ZNF385B: variants seen among roughly 807,000 people sequenced by gnomAD.
The protein encoded by ZNF385B is zinc finger protein 533.
In ZNF385B, 23 loss-of-function variants were observed where a neutral mutation model predicts 39.2. That is an observed-to-expected ratio of 0.59 (90% CI 0.42 to 0.83). The LOEUF is 0.83. ZNF385B is among the 40% of genes least tolerant of loss of function. The pLI, the probability that ZNF385B is intolerant of heterozygous loss-of-function variation, is 0.00. For missense variants in ZNF385B, 552 were observed against 598.9 expected, an observed-to-expected ratio of 0.92 and a Z score of 0.82; for synonymous variants, 205 against 222.6, an observed-to-expected ratio of 0.92 and a Z score of 0.70.
chr2:179,558,403 G>C (rs912148762), intron 3 of ZNF385B, among the ~76,000 whole-genome samples: 1 of 152,132 alleles, frequency 6.6e-6, no homozygotes, highest in Non-Finnish European at 1.5e-5. Context: ...AAGAATAGTG[G>C]TTTATACAAA....
intron 3 of ZNF385B, chr2:179,584,029 A>C: frequency 1.0e-6 from 1 of 963,384 alleles, no homozygotes; most frequent in Non-Finnish European, 1.5e-6. Context: ...ACATTGTTGA[A>C]GAAGACATAG....
In ZNF385B at chr2:179,716,017, A is replaced by T. The variant is rs867799348; in HGVS notation, c.298+53486T>A. Among the ~76,000 whole-genome samples, 3 of 152,350 alleles carry T rather than the reference A, an allele frequency of 2.0e-5. No individual in the cohort carries two copies. In the South Asian group the frequency reaches 6.2e-4, roughly 32 times the overall value. On this transcript the variant is annotated intron_variant, in intron 3 of 9. Transcript: ENST00000410066. ...AGCTACATAATGCAATGCAAGGCAT[A>T]ATAAGGACCACCTCAAACATTTTGT...
intron 3 of ZNF385B, among the ~76,000 whole-genome samples, chr2:179,641,816 C>T (rs1367255578): frequency 6.6e-6 from 1 of 152,108 alleles, no homozygotes; most frequent in Non-Finnish European, 1.5e-5. Flanking sequence ...GTCCCAGAAG[C>T]CACAGTGTAG....
intron 3 of ZNF385B, among the ~76,000 whole-genome samples, chr2:179,674,280 C>A (rs568545665): frequency 6.6e-6 from 1 of 152,002 alleles, no homozygotes; most frequent in Admixed American, 6.6e-5. Context: ...GTGAAGGAGA[C>A]GGATTATTAT....
intron 3 of ZNF385B, among the ~76,000 whole-genome samples, chr2:179,732,722 C>G (rs1701476083): frequency 6.6e-6 from 1 of 152,186 alleles, no homozygotes; most frequent in Admixed American, 6.5e-5. Flanking sequence ...ATCATCTCAT[C>G]ATGATTCTGT....
chr2:179,613,665 C>T (rs1168909634), intron 3 of ZNF385B, among the ~76,000 whole-genome samples: 1 of 152,124 alleles, frequency 6.6e-6, no homozygotes, highest in Non-Finnish European at 1.5e-5. Context: ...CTTCCTTCTT[C>T]TCTCAAGTGG....
At chr2:179,826,712 C>A (rs1707703138) in intron 1 of ZNF385B, among the ~76,000 whole-genome samples, 1 of 151,894 alleles carries the variant, frequency 6.6e-6, no homozygotes, top group African/African-American at 2.4e-5. Context: ...AAAAAAAATT[C>A]TTTAACTTGC....
intron 3 of ZNF385B, among the ~76,000 whole-genome samples, chr2:179,654,932 G>T (rs1052727982): frequency 6.6e-6 from 1 of 152,140 alleles, no homozygotes; most frequent in African/African-American, 2.4e-5. Context: ...TCCTTTTGCA[G>T]TATGATTTTT....
intron 3 of ZNF385B, among the ~76,000 whole-genome samples, chr2:179,768,760 C>T (rs1009723120): frequency 6.6e-6 from 1 of 152,176 alleles, no homozygotes; most frequent in African/African-American, 2.4e-5. Flanking sequence ...AGTGAAGATA[C>T]CCAGTGACCA....
At chr2:179,531,491 C>T (rs1392266842) in intron 4 of ZNF385B, among the ~76,000 whole-genome samples, 1 of 151,870 alleles carries the variant, frequency 6.6e-6, no homozygotes, top group African/African-American at 2.4e-5. Context: ...CAAAAATCAG[C>T]TGGGTGTGGT....
At chr2:179,745,982 T>C (rs1702360071) in intron 3 of ZNF385B, 1 of 1,196,688 alleles carries the variant, frequency 8.4e-7, no homozygotes, top group South Asian at 4.1e-5. Flanking sequence ...CTGAGTCATT[T>C]GTAAAGAAAG....
chr2:179,567,387 G>A (rs1350851855), intron 3 of ZNF385B, among the ~76,000 whole-genome samples: 2 of 152,132 alleles, frequency 1.3e-5, no homozygotes, highest in African/African-American at 4.8e-5. Flanking sequence ...CACCATCACT[G>A]AGCAAGACAT....
chr2:179,473,835 T>C (rs1410147965), intron 6 of ZNF385B, among the ~76,000 whole-genome samples: 1 of 152,174 alleles, frequency 6.6e-6, no homozygotes, highest in Admixed American at 6.5e-5. Flanking sequence ...CCTTCATCCA[T>C]GTCCCTGCAA....
rs1559338478 is a variant in ZNF385B at position 179,493,784 on chromosome 2, C to CATATATGTATACATATATGTATATGAAT, written c.553-10351_553-10350insATTCATATACATATATGTATACATATAT. On this transcript the variant is annotated intron_variant, in intron 5 of 9. Coordinates refer to ENST00000410066, the MANE Select transcript of ZNF385B (RefSeq NM_152520.6). ...ATATGTATACATATATGTATATACA[C>CATATATGTATACATATATGTATATGAAT]ATATGTATACATATATGTATATATA... 2.3e-5 allele frequency among the ~76,000 whole-genome samples: 2 copies of CATATATGTATACATATATGTATATGAAT among 88,512 alleles called. 1 individual carries two copies. Among genetic ancestry groups the CATATATGTATACATATATGTATATGAAT allele is most frequent in the Non-Finnish European group, 4.7e-5 (2 of 42,108 alleles). 58.1% of individuals were successfully genotyped at this position (88,512 alleles called of 152,430 possible).
intron 3 of ZNF385B, among the ~76,000 whole-genome samples, chr2:179,735,148 T>C (rs572370268): frequency 6.9e-4 from 105 of 152,196 alleles, no homozygotes; most frequent in African/African-American, 2.4e-3. Flanking sequence ...AAAGGGCTAA[T>C]ATCCAGGATC....
intron 3 of ZNF385B, among the ~76,000 whole-genome samples, chr2:179,760,316 C>A (rs1703304594): frequency 6.6e-6 from 1 of 151,426 alleles, no homozygotes; most frequent in Non-Finnish European, 1.5e-5. Flanking sequence ...CAGTTTTGTA[C>A]CCATATCTAC....
chr2:179,559,671 G>A (rs908099419), intron 3 of ZNF385B, among the ~76,000 whole-genome samples: 3 of 151,684 alleles, frequency 2.0e-5, no homozygotes, highest in Admixed American at 1.3e-4. Flanking sequence ...AAAATTTATA[G>A]TGTACAATGT....
Position 179,861,367 on chromosome 2 carries a change from C to G in ZNF385B, c.-421G>C, listed in dbSNP as rs370810744. 1.3e-5 allele frequency: 2 copies of G among 150,170 alleles called. No individual in the cohort carries two copies. The highest frequency in any genetic ancestry group is 2.0e-4 in the South Asian group (1 of 4,958). The allele number at this position is 150,170 out of a possible 1,614,324, so 9.3% of individuals were successfully genotyped here. A position where few individuals can be genotyped will look rare whatever the true frequency, so the allele number is the denominator to read the frequency against. ...GGCTTAAGCGCCCGGCCGCTGCCCC[C>G]GCGCTGAGCGCCTGCGCACCGGGCC... On this transcript the variant is annotated 5_prime_UTR_variant, in exon 1 of 10. Coordinates refer to ENST00000410066, the MANE Select transcript of ZNF385B (RefSeq NM_152520.6).
intron 1 of ZNF385B, among the ~76,000 whole-genome samples, chr2:179,857,285 G>A (rs1390465767): frequency 1.3e-5 from 2 of 152,154 alleles, no homozygotes; most frequent in African/African-American, 4.8e-5. Context: ...GGGTATTTCA[G>A]GAAATGAAGG....
Sources: gnomAD v4.1 joint callset for allele counts (sites outside exome capture counted in the v4.1 genomes callset) on GRCh38, gnomAD v4.1.1 for gene constraint, MANE v1.5 for transcripts, NCBI Gene and HGNC (gene_info 2026-07-23, HGNC 2026-07-21) for gene names.